The following CLUAP1 variants were observed in gnomAD, a reference collection of about 807,000 sequenced individuals.
The protein encoded by CLUAP1 is intraflagellar transport 38.
A neutral mutation model predicts 55.0 loss-of-function variants in CLUAP1; 50 were observed. That is an observed-to-expected ratio of 0.91 (90% CI 0.72 to 1.15). CLUAP1 has a LOEUF of 1.15. CLUAP1 is among the 50% of genes most tolerant of loss of function. The pLI is 0.00. For synonymous variants in CLUAP1, 195 were observed against 175.4 expected, an observed-to-expected ratio of 1.11 and a Z score of -0.88; for missense variants, 530 against 507.6, an observed-to-expected ratio of 1.04 and a Z score of -0.42.
chr16:3,512,243 C>G (rs908154912), intron 4 of CLUAP1, 140 bp from the exon 5 acceptor site: 2 of 599,236 alleles, frequency 3.3e-6, no homozygotes, highest in Non-Finnish European at 6.1e-6. Flanking sequence ...TGCCTATAAT[C>G]CCAACACTTT....
intron 9 of CLUAP1, among the ~76,000 whole-genome samples, chr16:3,526,925 C>G (rs2037955641): frequency 6.6e-6 from 1 of 152,148 alleles, no homozygotes; most frequent in African/African-American, 2.4e-5. Flanking sequence ...AAAGCAAGCA[C>G]TGGGATGCAG....
Position 3,508,362 on chromosome 16 carries a change from T to G in CLUAP1, c.293T>G (p.Leu98Arg). 2.5e-6 allele frequency: 4 copies of G among 1,610,816 alleles called. No individual in the cohort carries two copies. Among genetic ancestry groups the G allele is most frequent in the Non-Finnish European group, 3.4e-6 (4 of 1,179,248 alleles). The change falls in exon 4 of 12, where the codon CTG (leucine) becomes CGG (arginine). Residue 98 changes from leucine (L) to arginine (R), a missense_variant. Coordinates refer to ENST00000576634, the MANE Select transcript of CLUAP1 (RefSeq NM_015041.3). Reference protein sequence around the residue: ...QADGYAVKELLKITSVLYNAM... With the variant: ...QADGYAVKELRKITSVLYNAM... ...GATGGGTATGCGGTAAAAGAGCTGC[T>G]GAAGATCACATCTGTCCTTTATAAT... is the stretch of plus-strand genomic sequence containing the variant.
At chr16:3,502,173 T>C (rs1011855490) in intron 1 of CLUAP1, 5 of 152,250 alleles carry the variant, frequency 3.3e-5, no homozygotes. Context: ...CTGGGCGCAG[T>C]GGGTCACGCC....
At chr16:3,521,865 G>A (rs1026188914) in intron 7 of CLUAP1, among the ~76,000 whole-genome samples, 2 of 152,000 alleles carry the variant, frequency 1.3e-5, no homozygotes, top group East Asian at 3.9e-4. Flanking sequence ...GACCAGCCTG[G>A]GCAATATGGC....
chr16:3,500,826 C>A, upstream of CLUAP1: 1 of 564,636 alleles, frequency 1.8e-6, no homozygotes, highest in Middle Eastern at 4.7e-4. Flanking sequence ...GGGAAGCTTG[C>A]AGCCCTCATA....
intron 9 of CLUAP1, 128 bp from the exon 10 acceptor site, chr16:3,530,440 A>G: frequency 1.5e-6 from 1 of 687,260 alleles, no homozygotes; most frequent in Non-Finnish European, 2.6e-6. Flanking sequence ...TAAGGATTTA[A>G]TGTCTTAATT....
chr16:3,528,891 TTTAA>T (rs1488490801), intron 9 of CLUAP1, among the ~76,000 whole-genome samples: 1 of 152,200 alleles, frequency 6.6e-6, no homozygotes, highest in Non-Finnish European at 1.5e-5. Flanking sequence ...AGCCATTAAT[TTTAA>T]TTGTCACTGT....
chr16:3,510,472 G>GC (rs1318128216), intron 4 of CLUAP1, among the ~76,000 whole-genome samples: 16 of 152,182 alleles, frequency 1.1e-4, no homozygotes, highest in African/African-American at 3.6e-4. Context: ...ACACTCGTCA[G>GC]CAAGAGAAGT....
In CLUAP1 at chr16:3,504,818, T is replaced by C. The variant is rs1785237193; in HGVS notation, c.121T>C (p.Trp41Arg). 1 of 1,604,280 alleles carries C rather than the reference T, an allele frequency of 6.2e-7. No homozygotes were observed. Among genetic ancestry groups the C allele is most frequent in the African/African-American group, 1.3e-5 (1 of 74,674 alleles). ...NFGLVSEVLLWLVKRYEPQTD... is the reference protein window; with the variant it reads ...NFGLVSEVLLRLVKRYEPQTD... ...TGGACTTGTATCTGAAGTGCTTCTCTGGCTTGTGAAAAGGTTCGAACGGCA... is the reference window on the plus strand; with the variant it reads ...TGGACTTGTATCTGAAGTGCTTCTCCGGCTTGTGAAAAGGTTCGAACGGCA... Residue 41 changes from tryptophan (W) to arginine (R), a missense_variant, in exon 2 of 12, where the codon TGG (tryptophan) becomes CGG (arginine). By Grantham distance (101) the Trp-to-Arg change is moderately radical. Coordinates refer to ENST00000576634, the MANE Select transcript of CLUAP1 (RefSeq NM_015041.3).
intron 4 of CLUAP1, among the ~76,000 whole-genome samples, chr16:3,510,936 G>C (rs1023583796): frequency 6.6e-6 from 1 of 152,214 alleles, no homozygotes; most frequent in African/African-American, 2.4e-5. Context: ...CTGGAGCTGG[G>C]AGCTGGGGAG....
chr16:3,536,351 C>T lies in CLUAP1; in HGVS notation c.*80C>T. On this transcript the variant is annotated 3_prime_UTR_variant, in exon 12 of 12. Transcript: ENST00000576634. Reference sequence around the variant, plus strand: ...GGAACTTAGAAGGTTAGGAAGGTAACCCCTGTTTTGTTTACTAAGCTGGCT... The same window carrying T: ...GGAACTTAGAAGGTTAGGAAGGTAATCCCTGTTTTGTTTACTAAGCTGGCT... 1 of 1,495,358 alleles carries T rather than the reference C, an allele frequency of 6.7e-7. No homozygotes were observed. Among genetic ancestry groups the T allele is most frequent in the Non-Finnish European group, 9.1e-7 (1 of 1,099,896 alleles). 92.6% of individuals were successfully genotyped at this position (1,495,358 alleles called of 1,614,324 possible). A position where few individuals can be genotyped will look rare whatever the true frequency, so the allele number is the denominator to read the frequency against.
upstream of CLUAP1, chr16:3,496,873 CT>C (rs369156559): frequency 0.1 from 25,387 of 241,872 alleles, no homozygotes; most frequent in South Asian, 0.2. Flanking sequence ...TTTTTCTTTT[CT>C]TTTTTTTTTT....
At chr16:3,516,512 A>G (rs2037732137) in intron 6 of CLUAP1, among the ~76,000 whole-genome samples, 1 of 152,194 alleles carries the variant, frequency 6.6e-6, no homozygotes, top group South Asian at 2.1e-4. Context: ...TGGCAAGGAT[A>G]ATGGAGCCAC....
At chr16:3,525,928 T>C (rs2037932695) in intron 8 of CLUAP1, among the ~76,000 whole-genome samples, 1 of 152,132 alleles carries the variant, frequency 6.6e-6, no homozygotes, top group East Asian at 1.9e-4. Context: ...TTTCCTCCTG[T>C]CCCCACCCCT....
At position 3,536,326 on chromosome 16, in the gene CLUAP1, G is replaced by A; in HGVS notation, c.*55G>A. 2 of 1,583,672 alleles carry A rather than the reference G, an allele frequency of 1.3e-6. No individual in the cohort carries two copies. Among genetic ancestry groups the A allele is most frequent in the East Asian group, 2.3e-5 (1 of 44,444 alleles). ...AAACCCTCAGACTTGTAGGTAAATG[G>A]GAACTTAGAAGGTTAGGAAGGTAAC... On this transcript the variant is annotated 3_prime_UTR_variant, in exon 12 of 12. Transcript: ENST00000576634.
At chr16:3,501,371 T>A (rs1315024034) in intron 1 of CLUAP1, among the ~76,000 whole-genome samples, 1 of 152,250 alleles carries the variant, frequency 6.6e-6, no homozygotes, top group Non-Finnish European at 1.5e-5. Context: ...ATAACTGAAT[T>A]TTTAAGTGTA....
intron 7 of CLUAP1, among the ~76,000 whole-genome samples, chr16:3,521,166 A>T (rs1195796401): frequency 4.7e-5 from 7 of 150,370 alleles, no homozygotes; most frequent in Non-Finnish European, 1.0e-4. Context: ...AGCCTCAGAG[A>T]GGGAAAAAAA....
chr16:3,496,256 A>G (rs986132205), upstream of CLUAP1: 1 of 694,818 alleles, frequency 1.4e-6, no homozygotes, highest in Non-Finnish European at 2.6e-6. Flanking sequence ...AAAGAGCCCA[A>G]GAGCCAGGAT....
At chr16:3,502,412 C>G (rs1481985577) in intron 1 of CLUAP1, among the ~76,000 whole-genome samples, 2 of 150,560 alleles carry the variant, frequency 1.3e-5, no homozygotes, top group East Asian at 1.9e-4. Flanking sequence ...CCACTGCGCT[C>G]CACCCTGGCC....
Sources: allele counts gnomAD v4.1 joint callset (sites outside exome capture counted in the v4.1 genomes callset), GRCh38; gene constraint gnomAD v4.1.1; transcripts MANE v1.5; gene names NCBI Gene and HGNC (gene_info 2026-07-23, HGNC 2026-07-21).